UNC13B: variants seen among roughly 807,000 people sequenced by gnomAD.
UNC13B encodes the protein protein unc-13 homolog B.
UNC13B carries 144 observed loss-of-function variants against 211.0 expected under a neutral mutation model. The ratio of observed to expected loss-of-function variants is 0.68; its 90% CI spans 0.60 to 0.78. The LOEUF is 0.78. UNC13B is among the 30% of genes least tolerant of loss of function. UNC13B has a pLI of 0.00. For missense variants in UNC13B, 1,777 were observed against 2,002.0 expected, an observed-to-expected ratio of 0.89 and a Z score of 2.14; for synonymous variants, 709 against 725.8, an observed-to-expected ratio of 0.98 and a Z score of 0.37.
In UNC13B at chr9:35,165,336, A is replaced by T. The variant is rs559851727; in HGVS notation, c.22+3031A>T. Among the ~76,000 whole-genome samples, 67 of 152,180 alleles carry T rather than the reference A, an allele frequency of 4.4e-4. 1 individual carries two copies. The South Asian group carries it at 0.01, about 23-fold the overall frequency. The stretch of plus-strand genomic sequence containing the variant: ...TGGAATGGGCTATGTAGATTTTTTG[A>T]CACTAAACAGAAATTGAATGAGTGG... On this transcript the variant is annotated intron_variant, in intron 1 of 39. Transcript: ENST00000635942.
chr9:35,288,013 T>C (rs894958850), intron 7 of UNC13B, among the ~76,000 whole-genome samples: 16 of 152,176 alleles, frequency 1.1e-4, no homozygotes, highest in Admixed American at 1.0e-3. Context: ...TAAGCAATAT[T>C]ATTTAATCCT....
At chr9:35,332,303 C>T (rs1587639098) in intron 11 of UNC13B, among the ~76,000 whole-genome samples, 1 of 152,242 alleles carries the variant, frequency 6.6e-6, no homozygotes, top group Non-Finnish European at 1.5e-5. Context: ...TCCCTTTTTC[C>T]TTAGGCTCTA....
At chr9:35,387,123 T>A (rs1835240218) in intron 24 of UNC13B, among the ~76,000 whole-genome samples, 1 of 151,732 alleles carries the variant, frequency 6.6e-6, no homozygotes, top group Non-Finnish European at 1.5e-5. Context: ...ATCAAAAGAG[T>A]CTGTTTGAAG....
At chr9:35,251,443 T>C (rs573818276) in intron 6 of UNC13B, among the ~76,000 whole-genome samples, 79 of 152,096 alleles carry the variant, frequency 5.2e-4, no homozygotes, top group Non-Finnish European at 8.5e-4. Flanking sequence ...AAAAATTAGC[T>C]TGGCGTGGTG....
intron 6 of UNC13B, among the ~76,000 whole-genome samples, chr9:35,250,541 A>G (rs952084624): frequency 6.6e-6 from 1 of 152,302 alleles, no homozygotes; most frequent in Non-Finnish European, 1.5e-5. Context: ...GATGTAGTAC[A>G]TTTTAAATTC....
intron 26 of UNC13B, among the ~76,000 whole-genome samples, chr9:35,393,167 G>A (rs973071293): frequency 5.3e-5 from 8 of 152,178 alleles, no homozygotes; most frequent in Admixed American, 3.3e-4. Flanking sequence ...GAAAACAGTC[G>A]TATAAATTGG....
chr9:35,240,639 A>G (rs1825755055), intron 5 of UNC13B, among the ~76,000 whole-genome samples: 1 of 152,174 alleles, frequency 6.6e-6, no homozygotes, highest in Middle Eastern at 3.4e-3. Flanking sequence ...CCATTTCCAG[A>G]GACTTTAAAT....
At chr9:35,327,478 C>T (rs550215259) in intron 11 of UNC13B, among the ~76,000 whole-genome samples, 12 of 152,156 alleles carry the variant, frequency 7.9e-5, no homozygotes, top group African/African-American at 2.2e-4. Context: ...GTTCAAGGGC[C>T]GGAGAAGAGG....
At chr9:35,199,478 A>G (rs572991450) in intron 1 of UNC13B, among the ~76,000 whole-genome samples, 228 of 152,192 alleles carry the variant, frequency 1.5e-3, no homozygotes, top group African/African-American at 5.2e-3. Context: ...AAGCATTCCT[A>G]TTTCTCCATA....
At chr9:35,370,270 A>G (rs1227748921) in intron 12 of UNC13B, 48 bp from the exon 13 acceptor site, 2 of 1,561,954 alleles carry the variant, frequency 1.3e-6, no homozygotes, top group Non-Finnish European at 1.8e-6. Context: ...CCCACCAGCT[A>G]ACTCAAAGCA....
intron 13 of UNC13B, among the ~76,000 whole-genome samples, chr9:35,371,089 G>A (rs1306082663): frequency 6.6e-6 from 1 of 152,114 alleles, no homozygotes; most frequent in African/African-American, 2.4e-5. Context: ...GCTAGAAATC[G>A]GGTGTAAGGA....
At chr9:35,182,150 CTG>C (rs1821971451) in intron 1 of UNC13B, among the ~76,000 whole-genome samples, 1 of 152,208 alleles carries the variant, frequency 6.6e-6, no homozygotes, top group Admixed American at 6.5e-5. Context: ...ACTCCAATAT[CTG>C]TGTGTTAGAG....
At chr9:35,228,507 C>A (rs918519776) in intron 2 of UNC13B, among the ~76,000 whole-genome samples, 46 of 151,984 alleles carry the variant, frequency 3.0e-4, no homozygotes, top group African/African-American at 1.0e-3. Context: ...CCACGACAGG[C>A]CCCAGTGTGT....
At chr9:35,309,919 G>T (rs1830105041) in intron 9 of UNC13B, among the ~76,000 whole-genome samples, 1 of 152,212 alleles carries the variant, frequency 6.6e-6, no homozygotes, top group South Asian at 2.1e-4. Context: ...TCATCTTGCA[G>T]ATGAGGAAAC....
Position 35,243,304 on chromosome 9 carries a change from G to C in UNC13B, c.408G>C (p.Glu136Asp). The change falls in exon 6 of 40, where the codon GAG becomes GAC. Residue 136 changes from glutamate (E) to aspartate (D), a missense_variant. Physicochemically the swap from Glu to Asp is conservative, Grantham distance 45 (BLOSUM62 2). Transcript: ENST00000635942. ...RFELPFDIPE[E>D]EARYWTYKWE... is the part of the protein sequence containing the mutation. ...TTTTTATGGTAGATATCCCAGAGGA[G>C]GAAGCCAGATATTGGACCTACAAAT... The C allele has an allele frequency of 6.2e-7, 1 of 1,613,368 alleles. No individual in the cohort carries two copies. The highest frequency in any genetic ancestry group is 8.5e-7 in the Non-Finnish European group (1 of 1,179,552).
intron 11 of UNC13B, among the ~76,000 whole-genome samples, chr9:35,343,529 G>T (rs1366057031): frequency 6.6e-6 from 1 of 152,168 alleles, no homozygotes; most frequent in African/African-American, 2.4e-5. Context: ...TCTTCTGTAG[G>T]CTGGGGCCTT....
At chr9:35,268,626 A>G (rs1206464637) in intron 7 of UNC13B, among the ~76,000 whole-genome samples, 1 of 152,144 alleles carries the variant, frequency 6.6e-6, no homozygotes, top group Non-Finnish European at 1.5e-5. Context: ...CTCGGAAAAA[A>G]TTTCCTAAAA....
chr9:35,353,442 A>G (rs1832843118), intron 11 of UNC13B: 2 of 1,232,118 alleles, frequency 1.6e-6, no homozygotes, highest in African/African-American at 3.1e-5. Context: ...GGTGCCCAGG[A>G]TTGCTCACTG....
In UNC13B at chr9:35,304,172, G is replaced by A. The variant is rs575617059; in HGVS notation, c.4768G>A (p.Val1590Ile). 52 of 398,792 alleles carry A rather than the reference G, an allele frequency of 1.3e-4. No homozygotes were observed. The highest frequency in any genetic ancestry group is 9.8e-4 in the African/African-American group (48 of 48,732). 24.7% of individuals were successfully genotyped at this position (398,792 alleles called of 1,614,324 possible). Residue 1590 changes from valine to isoleucine, a missense_variant, in exon 9 of 40, where the codon GTA becomes ATA. By Grantham distance (29) the Val-to-Ile change is conservative. Transcript: ENST00000635942. The stretch of plus-strand genomic sequence containing the variant: ...CATTATTTCTGCCTGTAGTTTTAAA[G>A]TACTTGATAAGGAAGATGAAATATT... ...DSIISACSFK[V>I]LDKEDEIFWY...
Sources: allele counts gnomAD v4.1 joint callset (sites outside exome capture counted in the v4.1 genomes callset), GRCh38; gene constraint gnomAD v4.1.1; transcripts MANE v1.5; gene names NCBI Gene and HGNC (gene_info 2026-07-23, HGNC 2026-07-21).